The following FBXL17 variants were observed in gnomAD, a reference collection of about 807,000 sequenced individuals.
FBXL17 encodes F-box/LRR-repeat protein 17.
In FBXL17, 22 loss-of-function variants were observed where a neutral mutation model predicts 66.2. That is an observed-to-expected ratio of 0.33 (90% CI 0.24 to 0.47). The LOEUF is 0.47. Among genes scored for constraint, FBXL17 ranks in the 20% least tolerant of loss-of-function variants. The probability of loss-of-function intolerance (pLI) is 1.00; values close to 1 mark genes in which losing one functional copy is unlikely to be tolerated. For missense variants in FBXL17, 878 were observed against 948.2 expected, an observed-to-expected ratio of 0.93 and a Z score of 0.97; for synonymous variants, 474 against 400.5, an observed-to-expected ratio of 1.18 and a Z score of -2.19.
chr5:108,230,536 T>A (rs1755285423), intron 4 of FBXL17, among the ~76,000 whole-genome samples: 1 of 152,062 alleles, frequency 6.6e-6, no homozygotes, highest in African/African-American at 2.4e-5. Flanking sequence ...TGCAAAGGCA[T>A]AAGAACGATA....
intron 8 of FBXL17, among the ~76,000 whole-genome samples, chr5:107,871,069 A>AAAAAAAAAAAAAACC (rs1456052737): frequency 7.7e-6 from 1 of 130,174 alleles, no homozygotes; most frequent in Non-Finnish European, 1.6e-5. Context: ...AAAAAAAAAA[A>AAAAAAAAAAAAAACC]AAAAAAAAAA....
chr5:108,027,913 T>G (rs1754891154), intron 6 of FBXL17, among the ~76,000 whole-genome samples: 1 of 152,114 alleles, frequency 6.6e-6, no homozygotes, highest in Non-Finnish European at 1.5e-5. Context: ...TCTTTTAAGG[T>G]TTGTGAGTTT....
chr5:108,098,213 T>C (rs1362516524), intron 6 of FBXL17, among the ~76,000 whole-genome samples: 2 of 152,178 alleles, frequency 1.3e-5, no homozygotes, highest in Non-Finnish European at 2.9e-5. Flanking sequence ...GATTTTCCTG[T>C]CTATCTGCAA....
intron 7 of FBXL17, among the ~76,000 whole-genome samples, chr5:108,007,827 T>C (rs571725106): frequency 3.3e-5 from 5 of 152,240 alleles, no homozygotes; most frequent in African/African-American, 1.2e-4. Context: ...CCACATAATG[T>C]AGAGTATGTG....
intron 5 of FBXL17, among the ~76,000 whole-genome samples, chr5:108,209,652 A>T (rs188937184): frequency 6.6e-6 from 1 of 152,248 alleles, no homozygotes; most frequent in Non-Finnish European, 1.5e-5. Context: ...GCATCCAAGG[A>T]GTGAAGCCGA....
At chr5:108,324,292 A>G (rs931738622) in intron 4 of FBXL17, among the ~76,000 whole-genome samples, 2 of 152,102 alleles carry the variant, frequency 1.3e-5, no homozygotes, top group Admixed American at 1.3e-4. Flanking sequence ...TTATCCAAAG[A>G]TACGTAAATG....
At chr5:107,935,695 G>A (rs1257888577) in intron 7 of FBXL17, among the ~76,000 whole-genome samples, 4 of 151,948 alleles carry the variant, frequency 2.6e-5, no homozygotes, top group Non-Finnish European at 1.5e-5. Context: ...TTGGTATAAA[G>A]GGCCATTTTC....
intron 4 of FBXL17, chr5:108,299,906 G>C (rs938542377): frequency 8.8e-6 from 7 of 795,544 alleles, no homozygotes; most frequent in Non-Finnish European, 1.1e-5. Context: ...AAAATGATGG[G>C]TAAATAAAGC....
chr5:108,219,849 C>T (rs1754774964), intron 5 of FBXL17, among the ~76,000 whole-genome samples: 1 of 150,270 alleles, frequency 6.7e-6, no homozygotes, highest in Admixed American at 6.6e-5. Flanking sequence ...TATCAAATCA[C>T]TAGCTTTTGG....
chr5:108,247,810 A>C (rs1041801369), intron 4 of FBXL17, among the ~76,000 whole-genome samples: 1 of 152,172 alleles, frequency 6.6e-6, no homozygotes, highest in Admixed American at 6.5e-5. Flanking sequence ...ATGATCCATA[A>C]CAGCCAAATA....
chr5:108,285,451 A>G (rs1030459296), intron 4 of FBXL17, among the ~76,000 whole-genome samples: 49 of 151,998 alleles, frequency 3.2e-4, no homozygotes, highest in African/African-American at 1.0e-3. Flanking sequence ...CTTAAACAAT[A>G]AGAGTTGAAA....
intron 7 of FBXL17, among the ~76,000 whole-genome samples, chr5:107,963,890 T>A (rs1469478997): frequency 1.3e-5 from 2 of 152,144 alleles, no homozygotes; most frequent in African/African-American, 4.8e-5. Flanking sequence ...AAATAGATTC[T>A]TTTCTAATTA....
Position 108,152,129 on chromosome 5 carries a change from C to G in FBXL17, c.1745+33988G>C, listed in dbSNP as rs534943261. Among the ~76,000 whole-genome samples the G allele has an allele frequency of 2.0e-5, 3 of 152,270 alleles. No homozygotes were observed. The East Asian group carries it at 5.8e-4, about 29-fold the overall frequency. ...AAAATGAAACAACTCCATGCACTCT[C>G]TCAAAAGATTTAACCAGAAGCACAA... On this transcript the variant is annotated intron_variant, in intron 6 of 8. Coordinates refer to ENST00000542267, the MANE Select transcript of FBXL17 (RefSeq NM_001163315.3).
At chr5:107,903,284 G>T (rs1482282697) in intron 7 of FBXL17, among the ~76,000 whole-genome samples, 1 of 152,010 alleles carries the variant, frequency 6.6e-6, no homozygotes, top group Non-Finnish European at 1.5e-5. Context: ...CACTGAAAAA[G>T]AATTAATGAG....
chr5:108,113,951 A>G (rs1750139166), intron 6 of FBXL17, among the ~76,000 whole-genome samples: 1 of 152,186 alleles, frequency 6.6e-6, no homozygotes, highest in Non-Finnish European at 1.5e-5. Flanking sequence ...TATCCATTTC[A>G]GTTTCTTCTA....
chr5:107,927,467 T>C (rs529641474), intron 7 of FBXL17, among the ~76,000 whole-genome samples: 144 of 152,258 alleles, frequency 9.5e-4, no homozygotes, highest in Admixed American at 1.5e-3. Context: ...GAGCAGCCTA[T>C]GTGCTCAATA....
chr5:108,261,926 A>T (rs1756837711), intron 4 of FBXL17, among the ~76,000 whole-genome samples: 1 of 152,008 alleles, frequency 6.6e-6, no homozygotes, highest in African/African-American at 2.4e-5. Context: ...TGAAGACCAA[A>T]CATATTAATA....
chr5:108,048,786 C>T (rs953842719), intron 6 of FBXL17, among the ~76,000 whole-genome samples: 1 of 152,122 alleles, frequency 6.6e-6, no homozygotes, highest in Non-Finnish European at 1.5e-5. Context: ...CGAACAGAGC[C>T]TCTGAGAAAT....
In FBXL17 at chr5:107,870,969, C is replaced by A. The variant is rs560215402; in HGVS notation, c.1966-9109G>T. 4.0e-5 allele frequency among the ~76,000 whole-genome samples: 6 copies of A among 149,500 alleles called. No individual in the cohort carries two copies. The South Asian group carries it at 6.3e-4, about 16-fold the overall frequency. On this transcript the variant is annotated intron_variant, in intron 8 of 8. Coordinates refer to ENST00000542267, the MANE Select transcript of FBXL17 (RefSeq NM_001163315.3). ...AGCTGACCACAGAACATCCATACAA[C>A]GCTTCATGCATGAACCTCATACCGG...
Sources: allele counts gnomAD v4.1 joint callset (sites outside exome capture counted in the v4.1 genomes callset), GRCh38; gene constraint gnomAD v4.1.1; transcripts MANE v1.5; gene names NCBI Gene and HGNC (gene_info 2026-07-23, HGNC 2026-07-21).